The following UGP2 variants were observed in gnomAD, a reference collection of about 807,000 sequenced individuals.
The protein encoded by UGP2 is UTP--glucose-1-phosphate uridylyltransferase.
Under a neutral mutation model 49.0 loss-of-function variants are expected in UGP2, and 40 were observed. The observed-to-expected ratio is 0.82, with a 90% CI of 0.63 to 1.06. The LOEUF is 1.06. Ranked by LOEUF, UGP2 falls within the 50% of genes least tolerant of loss-of-function variation. The probability of loss-of-function intolerance (pLI) is 0.00; values close to 1 mark genes in which losing one functional copy is unlikely to be tolerated. For synonymous variants in UGP2, 225 were observed against 213.0 expected (o/e 1.06, Z -0.49); for missense variants, 460 against 603.5 (o/e 0.76, Z 2.49).
Position 63,882,567 on chromosome 2 carries a change from C to T in UGP2, c.357C>T (p.Thr119=). 6.2e-7 allele frequency: 1 copy of T among 1,612,822 alleles called. No homozygotes were observed. The highest frequency in any genetic ancestry group is 1.1e-5 in the South Asian group (1 of 90,816). ...VVVKLNGGLG[T]SMGCKGPKSL... ...TGAAACTCAATGGTGGTTTGGGAAC[C>T]AGCATGGGCTGCAAAGGCCCTAAAA... The change falls in exon 4 of 10, where the codon ACC becomes ACT. Residue 119 remains threonine, a synonymous_variant. Coordinates refer to ENST00000337130, the MANE Select transcript of UGP2 (RefSeq NM_006759.4).
chr2:63,863,762 AAG>A (rs1670002935), intron 3 of UGP2, among the ~76,000 whole-genome samples: 1 of 152,226 alleles, frequency 6.6e-6, no homozygotes, highest in Non-Finnish European at 1.5e-5. Flanking sequence ...GGTAATAACT[AAG>A]AGTACTGATG....
chr2:63,853,979 A>C (rs1487413349), intron 1 of UGP2, among the ~76,000 whole-genome samples: 1 of 152,192 alleles, frequency 6.6e-6, no homozygotes, highest in East Asian at 1.9e-4. Context: ...TGAACATAAG[A>C]AGAGGTTCTG....
intron 1 of UGP2, among the ~76,000 whole-genome samples, chr2:63,848,036 T>A (rs762906557): frequency 1.3e-5 from 2 of 152,244 alleles, no homozygotes; most frequent in Non-Finnish European, 2.9e-5. Context: ...CTTTCTGTAA[T>A]GCCATTCATC....
At chr2:63,873,175 C>T (rs1050874754) in intron 3 of UGP2, among the ~76,000 whole-genome samples, 1 of 152,196 alleles carries the variant, frequency 6.6e-6, no homozygotes, top group African/African-American at 2.4e-5. Flanking sequence ...GTTGTGGAAG[C>T]TTGCTTTTGA....
At chr2:63,876,870 T>C (rs1228794920) in intron 3 of UGP2, among the ~76,000 whole-genome samples, 1 of 152,242 alleles carries the variant, frequency 6.6e-6, no homozygotes, top group Non-Finnish European at 1.5e-5. Context: ...ATTTGAACAG[T>C]ATTCAGAATT....
At chr2:63,855,403 C>T (rs1377561087) in intron 1 of UGP2, 2 of 484,122 alleles carry the variant, frequency 4.1e-6, no homozygotes, top group Non-Finnish European at 8.3e-6. Context: ...ACAAATAATC[C>T]AGTTGTCCCT....
intron 3 of UGP2, among the ~76,000 whole-genome samples, chr2:63,869,195 A>G (rs1670378780): frequency 1.3e-5 from 2 of 151,458 alleles, no homozygotes; most frequent in Non-Finnish European, 2.9e-5. Flanking sequence ...AAAGATGAAC[A>G]GAGAATGAAG....
At chr2:63,844,800 G>A (rs147249969) in intron 1 of UGP2, among the ~76,000 whole-genome samples, 1 of 152,110 alleles carries the variant, frequency 6.6e-6, no homozygotes, top group Non-Finnish European at 1.5e-5. Flanking sequence ...GGTCTTAAGC[G>A]ATCTTCTAGC....
At chr2:63,860,030 A>G (rs1395282010) in intron 3 of UGP2, among the ~76,000 whole-genome samples, 1 of 151,914 alleles carries the variant, frequency 6.6e-6, no homozygotes, top group African/African-American at 2.4e-5. Context: ...TCCTCGTCCT[A>G]CTCTTCTCTT....
chr2:63,891,095 C>CTCTT (rs747879265), intron 9 of UGP2, 25 bp from the exon 10 acceptor site: 2 of 1,591,566 alleles, frequency 1.3e-6, no homozygotes, highest in South Asian at 2.2e-5. Context: ...TGCAAGTACA[C>CTCTT]TCTTTTGTTT....
At chr2:63,865,999 C>T (rs1438604749) in intron 3 of UGP2, among the ~76,000 whole-genome samples, 1 of 152,052 alleles carries the variant, frequency 6.6e-6, no homozygotes, top group Non-Finnish European at 1.5e-5. Context: ...TTTAAAAAAG[C>T]TCTTTCTAAG....
chr2:63,853,301 G>A (rs750688026), intron 1 of UGP2, among the ~76,000 whole-genome samples: 26 of 151,968 alleles, frequency 1.7e-4, no homozygotes, highest in Non-Finnish European at 1.3e-4. Context: ...AAATCTAGCC[G>A]GCATAGTTCA....
At chr2:63,852,453 G>A (rs567322332) in intron 1 of UGP2, among the ~76,000 whole-genome samples, 8 of 152,354 alleles carry the variant, frequency 5.3e-5, no homozygotes, top group African/African-American at 1.9e-4. Context: ...TAGGCAGTCT[G>A]CTTTCATACT....
At chr2:63,845,271 C>T (rs2104238177) in intron 1 of UGP2, among the ~76,000 whole-genome samples, 1 of 152,206 alleles carries the variant, frequency 6.6e-6, no homozygotes, top group African/African-American at 2.4e-5. Flanking sequence ...AAAAATTGGG[C>T]AGTAATGCTT....
At chr2:63,856,912 T>G (rs912948493) in intron 2 of UGP2, 2 of 433,008 alleles carry the variant, frequency 4.6e-6, no homozygotes, top group African/African-American at 4.1e-5. Context: ...TATTTCAATT[T>G]ATACTTAATG....
At chr2:63,887,329 C>T (rs2104365122) in intron 7 of UGP2, 73 bp from the exon 8 acceptor site, 4 of 1,513,594 alleles carry the variant, frequency 2.6e-6, no homozygotes, top group East Asian at 4.6e-5. Context: ...CAAATATTAA[C>T]TAACCTACAT....
chr2:63,882,605 T>C lies in UGP2; in HGVS notation c.395T>C (p.Val132Ala). ...AAAGGCCCTAAAAGTCTGATTGGTG[T>C]GAGGAATGAGAATACCTTTCTGGAT... ...GCKGPKSLIGVRNENTFLDLT... is the reference protein window; with the variant it reads ...GCKGPKSLIGARNENTFLDLT... The change falls in exon 4 of 10, where the codon GTG becomes GCG. Residue 132 changes from valine (V) to alanine (A), a missense_variant. Val to Ala is a moderately conservative substitution (Grantham distance 64). Transcript: ENST00000337130. The C allele has an allele frequency of 6.2e-7, 1 of 1,606,010 alleles. No individual in the cohort carries two copies. Among genetic ancestry groups the C allele is most frequent in the Non-Finnish European group, 8.5e-7 (1 of 1,174,208 alleles).
In UGP2 at chr2:63,889,848, T is replaced by A. The variant is rs1382719478; in HGVS notation, c.1315-233T>A. On this transcript the variant is annotated intron_variant, in intron 8 of 9. Transcript: ENST00000337130. ...AAAAAAGAAAAAAAACCCTTAGATCTGCTCAACTATCTTGTAAATTGCTTG... is the reference window on the plus strand; with the variant it reads ...AAAAAAGAAAAAAAACCCTTAGATCAGCTCAACTATCTTGTAAATTGCTTG... 3 of 407,162 alleles carry A rather than the reference T, an allele frequency of 7.4e-6. No homozygotes were observed. The Admixed American group carries it at 1.4e-4, about 18-fold the overall frequency. The allele number at this position is 407,162 out of a possible 1,614,324, so 25.2% of individuals were successfully genotyped here.
intron 4 of UGP2, 99 bp from the exon 5 acceptor site, chr2:63,883,860 GT>G: frequency 7.0e-7 from 1 of 1,437,556 alleles, no homozygotes; most frequent in Non-Finnish European, 9.4e-7. Context: ...TACAGATGAT[GT>G]TTTAGATATT....
Sources: gnomAD v4.1 joint callset for allele counts (sites outside exome capture counted in the v4.1 genomes callset) on GRCh38, gnomAD v4.1.1 for gene constraint, MANE v1.5 for transcripts, NCBI Gene and HGNC (gene_info 2026-07-23, HGNC 2026-07-21) for gene names.